Variants in CABYR observed in about 807,000 individuals in gnomAD.
The protein encoded by CABYR is calcium-binding tyrosine phosphorylation-regulated protein.
A neutral mutation model predicts 36.1 loss-of-function variants in CABYR; 31 were observed. That is an observed-to-expected ratio of 0.86 (90% CI 0.64 to 1.16). The LOEUF is 1.16. Ranked by LOEUF, CABYR falls within the 50% of genes most tolerant of loss-of-function variation. The pLI, the probability that CABYR is intolerant of heterozygous loss-of-function variation, is 0.00. For synonymous variants in CABYR, 146 were observed against 160.7 expected (o/e 0.91, Z 0.69); for missense variants, 429 against 455.8 (o/e 0.94, Z 0.53).
chr18:24,141,438 G>A (rs926142759), intron 1 of CABYR, among the ~76,000 whole-genome samples: 2 of 152,140 alleles, frequency 1.3e-5, no homozygotes. Context: ...AATTTCTCCT[G>A]GGTTTCAGTA....
At chr18:24,156,883 C>G (rs2085804849) in intron 4 of CABYR, 1 of 1,614,126 alleles carries the variant, frequency 6.2e-7, no homozygotes, top group East Asian at 2.2e-5. Context: ...GCAGTGCACT[C>G]AGGTACATCT....
intron 3 of CABYR, among the ~76,000 whole-genome samples, chr18:24,147,494 T>TA (rs1055420640): frequency 4.6e-5 from 7 of 152,130 alleles, no homozygotes; most frequent in African/African-American, 1.4e-4. Flanking sequence ...CAAATTTTTT[T>TA]AAAAAAGGAA....
intron 4 of CABYR, 90 bp from the exon 5 acceptor site, chr18:24,159,382 A>G (rs1389094216): frequency 4.6e-6 from 4 of 863,978 alleles, no homozygotes; most frequent in Middle Eastern, 3.5e-4. Flanking sequence ...CAGCTGTTTT[A>G]TATGTAAAAG....
At chr18:24,142,332 G>C (rs1483344110) in intron 1 of CABYR, among the ~76,000 whole-genome samples, 2 of 151,694 alleles carry the variant, frequency 1.3e-5, no homozygotes, top group Non-Finnish European at 2.9e-5. Context: ...AAAAAAAGCA[G>C]CATGTCTGAG....
At position 24,158,722 on chromosome 18, in the gene CABYR, T is replaced by C. The variant is rs149119885; in HGVS notation, c.542-750T>C. Among the ~76,000 whole-genome samples the C allele has an allele frequency of 3.6e-4, 55 of 152,302 alleles. No individual in the cohort carries two copies. The East Asian group carries it at 0.01, about 29-fold the overall frequency. ...GCACATTTGGGCAAAGTGAAACTCC[T>C]CTATTGGGAACCTTTTGTCCGAGGG... On this transcript the variant is annotated intron_variant, in intron 4 of 5. Transcript: ENST00000399496.
intron 1 of CABYR, chr18:24,139,712 T>G (rs2085254919): frequency 6.6e-6 from 1 of 152,284 alleles, no homozygotes; most frequent in Non-Finnish European, 1.5e-5. Context: ...CCGTTGACTT[T>G]TCTCAGCTTG....
Position 24,155,737 on chromosome 18 carries a change from A to T in CABYR, c.236A>T (p.Lys79Ile). 1 of 1,611,518 alleles carries T rather than the reference A, an allele frequency of 6.2e-7. No homozygotes were observed. The highest frequency in any genetic ancestry group is 8.5e-7 in the Non-Finnish European group (1 of 1,179,108). Residue 79 changes from lysine to isoleucine, a missense_variant, in exon 4 of 6, where the codon AAA becomes ATA. Lys to Ile is a moderately radical substitution (Grantham distance 102). Coordinates refer to ENST00000399496, the MANE Select transcript of CABYR (RefSeq NM_153769.3). The stretch of plus-strand genomic sequence containing the variant: ...TCAGAAGGAACGACACCACAGAAGA[A>T]ATTAGAATGTTTAAAAGAACCAGGA... ...KWSEGTTPQKKLECLKEPGKT... is the reference protein window; with the variant it reads ...KWSEGTTPQKILECLKEPGKT...
chr18:24,156,288 C>A lies in CABYR; in HGVS notation c.541+246C>A, dbSNP rs763223993. ...TGAACCATCAACGGCTTCCTCAGTC[C>A]CCTTGCAGGATGAACAAGAACCTCC... On this transcript the variant is annotated intron_variant, in intron 4 of 5. Coordinates refer to ENST00000399496, the MANE Select transcript of CABYR (RefSeq NM_153769.3). 7 of 1,614,144 alleles carry A rather than the reference C, an allele frequency of 4.3e-6. No individual in the cohort carries two copies. The Admixed American group carries it at 1.2e-4, about 27-fold the overall frequency.
intron 3 of CABYR, among the ~76,000 whole-genome samples, chr18:24,147,282 C>T (rs2085483978): frequency 7.2e-6 from 1 of 139,382 alleles, no homozygotes; most frequent in African/African-American, 2.7e-5. Flanking sequence ...AGCCTATAGG[C>T]AAGTGAGGAA....
chr18:24,156,123 G>C (rs1305282724), intron 4 of CABYR, 81 bp downstream of exon 4: 1 of 1,614,186 alleles, frequency 6.2e-7, no homozygotes, highest in Admixed American at 1.7e-5. Flanking sequence ...TGTTATCAAG[G>C]AGGTGCCAAG....
chr18:24,150,925 GC>G (rs1175208327), intron 3 of CABYR, among the ~76,000 whole-genome samples: 1 of 151,798 alleles, frequency 6.6e-6, no homozygotes, highest in Non-Finnish European at 1.5e-5. Flanking sequence ...GACTACAGGC[GC>G]CCGCCACCAC....
intron 4 of CABYR, among the ~76,000 whole-genome samples, chr18:24,158,929 T>G (rs2145886744): frequency 6.6e-6 from 1 of 152,316 alleles, no homozygotes; most frequent in South Asian, 2.1e-4. Context: ...AGGGGTGCTC[T>G]CTGGGGTTCT....
intron 1 of CABYR, chr18:24,140,242 C>CA (rs1308460605): frequency 6.6e-6 from 1 of 152,112 alleles, no homozygotes; most frequent in African/African-American, 2.4e-5. Context: ...GAGCCACTTT[C>CA]AAAACGGTCT....
At chr18:24,154,446 C>G (rs2085719912) in intron 3 of CABYR, among the ~76,000 whole-genome samples, 1 of 152,170 alleles carries the variant, frequency 6.6e-6, no homozygotes, top group African/African-American at 2.4e-5. Context: ...GGCTTTCTCT[C>G]TTTTTGAATC....
At chr18:24,141,919 T>C (rs1012148186) in intron 1 of CABYR, among the ~76,000 whole-genome samples, 4 of 152,146 alleles carry the variant, frequency 2.6e-5, no homozygotes, top group Admixed American at 1.3e-4. Flanking sequence ...GGTATAATAA[T>C]ACCACAAATA....
At chr18:24,150,625 G>C (rs1038971590) in intron 3 of CABYR, 4 of 952,424 alleles carry the variant, frequency 4.2e-6, no homozygotes, top group Non-Finnish European at 5.0e-6. Flanking sequence ...CTACTTTATA[G>C]TCTCTGGTAT....
intron 3 of CABYR, among the ~76,000 whole-genome samples, chr18:24,143,923 A>T (rs1284701458): frequency 6.6e-6 from 1 of 150,548 alleles, no homozygotes; most frequent in Admixed American, 6.6e-5. Flanking sequence ...TTTGCAATGG[A>T]GTCTCACTCT....
chr18:24,151,580 A>C (rs2085635055), intron 3 of CABYR, among the ~76,000 whole-genome samples: 1 of 152,214 alleles, frequency 6.6e-6, no homozygotes, highest in Non-Finnish European at 1.5e-5. Context: ...TAATGACATG[A>C]ACTCAATATA....
intron 3 of CABYR, among the ~76,000 whole-genome samples, chr18:24,145,685 A>G (rs1245332105): frequency 6.6e-6 from 1 of 152,206 alleles, no homozygotes; most frequent in Non-Finnish European, 1.5e-5. Context: ...ACTGAAAGCT[A>G]AGTCGAGAGA....
Sources: allele counts gnomAD v4.1 joint callset (sites outside exome capture counted in the v4.1 genomes callset), GRCh38; gene constraint gnomAD v4.1.1; transcripts MANE v1.5; gene names NCBI Gene and HGNC (gene_info 2026-07-23, HGNC 2026-07-21).